DLG2: variants seen among roughly 807,000 people sequenced by gnomAD.
DLG2 encodes the protein disks large homolog 2.
A neutral mutation model predicts 132.5 loss-of-function variants in DLG2; 45 were observed. The ratio of observed to expected loss-of-function variants is 0.34; its 90% confidence interval spans 0.27 to 0.44. The LOEUF is 0.44. Ranked by LOEUF, DLG2 falls within the 20% of genes least tolerant of loss-of-function variation. DLG2 has a pLI of 1.00. For missense variants in DLG2, 1,045 were observed against 1,196.9 expected (o/e 0.87, Z 1.87); for synonymous variants, 424 against 419.6 (o/e 1.01, Z -0.13).
rs79955552 is a variant in DLG2, at chr11:85,147,113, G to A, written c.282+7443C>T. Among the ~76,000 whole-genome samples the A allele has an allele frequency of 6.1e-4, 93 of 152,318 alleles. No individual in the cohort carries two copies. The East Asian group carries it at 0.014, about 23-fold the overall frequency. ...TGGGGAAGGGTGGTATAGGCAATGC[G>A]AAACTGTCTTTCCTACCTTCTTTAG... On this transcript the variant is annotated intron_variant, in intron 5 of 27. Transcript: ENST00000376104.
intron 5 of DLG2, among the ~76,000 whole-genome samples, chr11:85,145,653 GCTGCAGAACTT>G (rs1247094449): frequency 6.6e-6 from 1 of 151,860 alleles, no homozygotes; most frequent in East Asian, 1.9e-4. Context: ...AAATTTTTCA[GCTGCAGAACTT>G]CTGCTTGATT....
At chr11:84,706,646 T>A (rs1010297719) in intron 6 of DLG2, among the ~76,000 whole-genome samples, 34 of 151,250 alleles carry the variant, frequency 2.2e-4, no homozygotes, top group Non-Finnish European at 7.4e-5. Context: ...AAGAAAGTAA[T>A]CTTGACTTGT....
At chr11:84,404,985 T>C (rs2098843585) in intron 7 of DLG2, among the ~76,000 whole-genome samples, 1 of 152,154 alleles carries the variant, frequency 6.6e-6, no homozygotes, top group South Asian at 2.1e-4. Context: ...AAACAAACAC[T>C]ATTATAATAG....
rs917057710 is a variant in DLG2, at chr11:85,091,118, G to T, written c.357+20543C>A. On this transcript the variant is annotated intron_variant, in intron 6 of 27. Transcript: ENST00000376104. ...CCTACAACCCAAACACCTCCCATTT[G>T]GTTCCACCTCCAACACTGGGGATCA... is the stretch of plus-strand genomic sequence containing the variant. 3.3e-5 allele frequency among the ~76,000 whole-genome samples: 5 copies of T among 152,246 alleles called. 1 individual carries two copies. The South Asian group carries it at 6.2e-4, about 19-fold the overall frequency.
At chr11:84,538,070 A>G (rs1199460505) in intron 6 of DLG2, among the ~76,000 whole-genome samples, 1 of 152,212 alleles carries the variant, frequency 6.6e-6, no homozygotes, top group Non-Finnish European at 1.5e-5. Flanking sequence ...CTTCAAGAAG[A>G]CCATAAATTA....
chr11:83,531,757 A>G (rs1411273731), intron 21 of DLG2, among the ~76,000 whole-genome samples: 2 of 150,470 alleles, frequency 1.3e-5, no homozygotes, highest in African/African-American at 2.4e-5. Flanking sequence ...ATGTCCATCA[A>G]CTGATAAATG....
At chr11:85,111,400 G>A (rs1223179821) in intron 6 of DLG2, among the ~76,000 whole-genome samples, 1 of 152,028 alleles carries the variant, frequency 6.6e-6, no homozygotes, top group African/African-American at 2.4e-5. Flanking sequence ...TCGTTTTAAT[G>A]ACCTTCCAAC....
chr11:84,758,752 T>C (rs373146434), intron 6 of DLG2, among the ~76,000 whole-genome samples: 4 of 152,344 alleles, frequency 2.6e-5, no homozygotes, highest in Non-Finnish European at 5.9e-5. Flanking sequence ...TAACATTTCA[T>C]AGGCAAGGAG....
At chr11:83,576,496 C>A (rs1442950632) in intron 19 of DLG2, among the ~76,000 whole-genome samples, 1 of 151,804 alleles carries the variant, frequency 6.6e-6, no homozygotes, top group East Asian at 1.9e-4. Context: ...AGCTTAGTAG[C>A]ACTAATAAAA....
intron 3 of DLG2, among the ~76,000 whole-genome samples, chr11:85,591,352 T>A (rs1303684269): frequency 6.6e-6 from 1 of 152,194 alleles, no homozygotes; most frequent in Non-Finnish European, 1.5e-5. Context: ...TCAAGGACAT[T>A]TTGAATCCCT....
intron 19 of DLG2, chr11:83,631,153 G>T (rs929965288): frequency 6.9e-6 from 1 of 144,938 alleles, no homozygotes; most frequent in Non-Finnish European, 1.5e-5. Context: ...ATTTCACTTA[G>T]GCCTTGCTTC....
intron 6 of DLG2, among the ~76,000 whole-genome samples, chr11:85,106,354 GTCAT>G (rs2071751087): frequency 6.6e-6 from 1 of 151,934 alleles, no homozygotes; most frequent in South Asian, 2.1e-4. Flanking sequence ...ACACTCCTAT[GTCAT>G]CGGTTCCTGC....
intron 7 of DLG2, among the ~76,000 whole-genome samples, chr11:84,439,659 A>C (rs1425931992): frequency 6.6e-6 from 1 of 152,222 alleles, no homozygotes; most frequent in East Asian, 1.9e-4. Flanking sequence ...CTTAGTTTTC[A>C]AAGAGCTACT....
At chr11:84,694,063 C>T (rs2058353014) in intron 6 of DLG2, among the ~76,000 whole-genome samples, 1 of 151,540 alleles carries the variant, frequency 6.6e-6, no homozygotes, top group Non-Finnish European at 1.5e-5. Context: ...CCTTATTCAC[C>T]TCTGCATCAT....
chr11:83,583,283 G>C (rs900452296), intron 19 of DLG2, among the ~76,000 whole-genome samples: 3 of 152,190 alleles, frequency 2.0e-5, no homozygotes, highest in Admixed American at 1.3e-4. Context: ...AGACAGAGCA[G>C]GTCTCCTCCA....
At chr11:84,630,278 G>C (rs2099629261) in intron 6 of DLG2, among the ~76,000 whole-genome samples, 1 of 152,074 alleles carries the variant, frequency 6.6e-6, no homozygotes, top group African/African-American at 2.4e-5. Context: ...ACTCAGAAGG[G>C]GCAACAGAAT....
chr11:83,833,242 A>G (rs1235543959), intron 17 of DLG2, among the ~76,000 whole-genome samples: 1 of 152,170 alleles, frequency 6.6e-6, no homozygotes, highest in Non-Finnish European at 1.5e-5. Context: ...GTTTGAGACC[A>G]GTCTGGACAA....
At chr11:84,311,069 G>A (rs2098281789) in intron 7 of DLG2, among the ~76,000 whole-genome samples, 3 of 151,914 alleles carry the variant, frequency 2.0e-5, no homozygotes, top group Admixed American at 2.0e-4. Context: ...TTTCTAGCAT[G>A]CACAGTTGTA....
chr11:84,706,049 G>C (rs372159439), intron 6 of DLG2, among the ~76,000 whole-genome samples: 6 of 151,780 alleles, frequency 4.0e-5, no homozygotes, highest in Admixed American at 3.9e-4. Flanking sequence ...TGTGAGCAGA[G>C]ATGATACAAA....
Sources: allele counts gnomAD v4.1 joint callset (sites outside exome capture counted in the v4.1 genomes callset), GRCh38; gene constraint gnomAD v4.1.1; transcripts MANE v1.5; gene names NCBI Gene and HGNC (gene_info 2026-07-23, HGNC 2026-07-21).